The following YBX1 variants were observed in gnomAD, a reference collection of about 807,000 sequenced individuals.
The protein encoded by YBX1 is Y-box binding protein 1.
A neutral mutation model predicts 41.4 loss-of-function variants in YBX1; 3 were observed. The ratio of observed to expected loss-of-function variants is 0.07; its 90% CI spans 0.03 to 0.19. The LOEUF (loss-of-function observed/expected upper bound fraction) is 0.19, where lower values mean the gene tolerates loss of function less well. YBX1 is among the 10% of genes least tolerant of loss of function. The pLI, the probability that YBX1 is intolerant of heterozygous loss-of-function variation, is 1.00. For synonymous variants in YBX1, 133 were observed against 165.8 expected, an observed-to-expected ratio of 0.80 and a Z score of 1.52; for missense variants, 274 against 462.8, an observed-to-expected ratio of 0.59 and a Z score of 3.74.
chr1:42,684,563 G>A (rs1455785494), intron 2 of YBX1, among the ~76,000 whole-genome samples: 2 of 152,234 alleles, frequency 1.3e-5, no homozygotes, highest in Non-Finnish European at 2.9e-5. Context: ...ATCAATCATA[G>A]AGTATTGTGG....
intron 6 of YBX1, among the ~76,000 whole-genome samples, chr1:42,698,091 C>T (rs1650504903): frequency 2.0e-5 from 3 of 152,134 alleles, no homozygotes; most frequent in South Asian, 4.1e-4. Context: ...TTTTAAGTGT[C>T]AAGTTTATTA....
chr1:42,692,316 G>A (rs1303548140), intron 2 of YBX1, among the ~76,000 whole-genome samples: 1 of 152,102 alleles, frequency 6.6e-6, no homozygotes, highest in Admixed American at 6.6e-5. Context: ...ATCTGTTTTT[G>A]TGGTGCCTAT....
At chr1:42,701,580 C>A (rs1167125080) in intron 7 of YBX1, among the ~76,000 whole-genome samples, 9 of 148,174 alleles carry the variant, frequency 6.1e-5, no homozygotes, top group Non-Finnish European at 1.0e-4. Flanking sequence ...GAGAGTGTTT[C>A]GTGTCTAAAA....
chr1:42,694,394 T>A (rs1650410309), intron 3 of YBX1, among the ~76,000 whole-genome samples: 1 of 134,594 alleles, frequency 7.4e-6, no homozygotes, highest in South Asian at 2.4e-4. Flanking sequence ...TAGGAAAAAA[T>A]ATGTTTGTGC....
chr1:42,697,291 A>T, intron 6 of YBX1, 29 bp downstream of exon 6: 1 of 1,606,708 alleles, frequency 6.2e-7, no homozygotes, highest in Non-Finnish European at 8.5e-7. Context: ...TGTTTCTATT[A>T]AAATTTCCTC....
chr1:42,697,238 G>T lies in YBX1; in HGVS notation c.716G>T (p.Arg239Leu), dbSNP rs745492729. 1 of 1,613,810 alleles carries T rather than the reference G, an allele frequency of 6.2e-7. No homozygotes were observed. Among genetic ancestry groups the T allele is most frequent in the Non-Finnish European group, 8.5e-7 (1 of 1,179,980 alleles). ...QGRPVRQNMY[R>L]GYRPRFRRGP... Reference sequence around the variant, plus strand: ...AGACCAGTGAGGCAGAATATGTATCGGGGATATAGACCACGATTCCGCAGG... The same window carrying T: ...AGACCAGTGAGGCAGAATATGTATCTGGGATATAGACCACGATTCCGCAGG... Residue 239 changes from arginine to leucine, a missense_variant, in exon 6 of 8, where the codon CGG becomes CTG. By Grantham distance (102) the Arg-to-Leu change is moderately radical (BLOSUM62 -2). Transcript: ENST00000321358.
intron 2 of YBX1, among the ~76,000 whole-genome samples, chr1:42,684,663 G>A (rs1478113531): frequency 1.3e-5 from 2 of 152,104 alleles, no homozygotes; most frequent in African/African-American, 4.8e-5. Flanking sequence ...AAAATCTTAG[G>A]ATTTTCCATC....
chr1:42,682,730 C>T lies in YBX1; in HGVS notation c.165C>T (p.Ile55=), dbSNP rs1409125699. The T allele has an allele frequency of 1.2e-5, 15 of 1,232,976 alleles. No individual in the cohort carries two copies. Among genetic ancestry groups the T allele is most frequent in the Non-Finnish European group, 1.4e-5 (14 of 992,068 alleles). The allele number at this position is 1,232,976 out of a possible 1,614,324, so 76.4% of individuals were successfully genotyped here. Residue 55 remains isoleucine (I), a splice_region_variant and synonymous_variant, in exon 1 of 8, where the codon ATC becomes ATT. Coordinates refer to ENST00000321358, the MANE Select transcript of YBX1 (RefSeq NM_004559.5). ...AAPAGGDKKV[I]ATKVLGTVKW... is the part of the protein sequence containing the mutation. ...CTGCCGGCGGGGACAAGAAGGTCAT[C>T]GGTGAGGACCGGACAGGGACGGGGG...
intron 3 of YBX1, among the ~76,000 whole-genome samples, chr1:42,695,163 G>A (rs1650429647): frequency 6.6e-6 from 1 of 152,182 alleles, no homozygotes; most frequent in Non-Finnish European, 1.5e-5. Context: ...TCAACATGTA[G>A]TTGTTTCTTG....
rs1650459169 is a variant in YBX1, at chr1:42,696,421, A to T, written c.354+133A>T. The T allele has an allele frequency of 9.8e-7, 1 of 1,017,064 alleles. No homozygotes were observed. Among genetic ancestry groups the T allele is most frequent in the African/African-American group, 1.6e-5 (1 of 61,278 alleles). The allele number at this position is 1,017,064 out of a possible 1,614,324, so 63.0% of individuals were successfully genotyped here. Reference sequence around the variant, plus strand: ...CATGAACACAGGTGCATCAAGCCTAATGTTCTGGCTGCAGTTAGAGGGCAA... The same window carrying T: ...CATGAACACAGGTGCATCAAGCCTATTGTTCTGGCTGCAGTTAGAGGGCAA... On this transcript the variant is annotated intron_variant, in intron 4 of 7. Transcript: ENST00000321358. The surrounding 1 kb of genome is among the most constrained non-coding windows in gnomAD (Gnocchi z 5.7).
rs1192143717 is a variant in YBX1 at position 42,700,961 on chromosome 1, T to A, written c.921T>A (p.Asp307Glu). 1.9e-6 allele frequency: 3 copies of A among 1,614,090 alleles called. No individual in the cohort carries two copies. The highest frequency in any genetic ancestry group is 2.5e-6 in the Non-Finnish European group (3 of 1,180,016). Residue 307 changes from aspartate to glutamate, a missense_variant, in exon 7 of 8, where the codon GAT becomes GAA. By Grantham distance (45) the Asp-to-Glu change is conservative. Transcript: ENST00000321358. ...ATGGCAAAGAGACAAAAGCAGCCGATCCACCAGCTGAGAATTCGTCCGCTC... is the reference window on the plus strand; with the variant it reads ...ATGGCAAAGAGACAAAAGCAGCCGAACCACCAGCTGAGAATTCGTCCGCTC... ...PQDGKETKAA[D>E]PPAENSSAPE... is the part of the protein sequence containing the mutation.
Position 42,696,511 on chromosome 1 carries a change from G to GGCCCC in YBX1, c.355-131_355-130insGCCCC. 2 of 468,072 alleles carry GGCCCC rather than the reference G, an allele frequency of 4.3e-6. No homozygotes were observed. Among genetic ancestry groups the GGCCCC allele is most frequent in the South Asian group, 4.5e-5 (1 of 22,402 alleles). The allele number at this position is 468,072 out of a possible 1,614,324, so 29.0% of individuals were successfully genotyped here. A position where few individuals can be genotyped will look rare whatever the true frequency, so the allele number is the denominator to read the frequency against. ...TGTGCACCCCTGGTCACGCAGTTGC[G>GGCCCC]CCCCCCCCCCCTTTTTTTTCCTTAA... On this transcript the variant is annotated intron_variant, in intron 4 of 7. Transcript: ENST00000321358. This position sits in a 1 kb window ranked among gnomAD's most constrained non-coding sequence, Gnocchi z 5.7.
In YBX1 at chr1:42,682,705, C is replaced by T; in HGVS notation, c.140C>T (p.Pro47Leu). The change falls in exon 1 of 8, where the codon CCT (proline) becomes CTT (leucine). Residue 47 changes from proline to leucine, a missense_variant. Physicochemically the swap from Pro to Leu is moderately conservative, Grantham distance 98. Transcript: ENST00000321358. The stretch of plus-strand genomic sequence containing the variant: ...CCGGGCGGCCTCACATCGGCGGCGC[C>T]TGCCGGCGGGGACAAGAAGGTCATC... ...GGPGGLTSAA[P>L]AGGDKKVIAT... is the part of the protein sequence containing the mutation. 1.6e-6 allele frequency: 2 copies of T among 1,251,636 alleles called. No individual in the cohort carries two copies. The highest frequency in any genetic ancestry group is 2.0e-6 in the Non-Finnish European group (2 of 1,003,944). 77.5% of individuals were successfully genotyped at this position (1,251,636 alleles called of 1,614,324 possible). A position where few individuals can be genotyped will look rare whatever the true frequency, so the allele number is the denominator to read the frequency against.
chr1:42,686,845 A>G (rs1311551957), intron 2 of YBX1, among the ~76,000 whole-genome samples: 3 of 152,204 alleles, frequency 2.0e-5, no homozygotes, highest in African/African-American at 7.2e-5. Flanking sequence ...CCCCATAAGC[A>G]TAGGTGATAA....
intron 6 of YBX1, among the ~76,000 whole-genome samples, chr1:42,698,803 G>T (rs142308657): frequency 6.6e-6 from 1 of 152,342 alleles, no homozygotes; most frequent in East Asian, 1.9e-4. Flanking sequence ...AGTCCTGCCA[G>T]ATAGTTGCAG....
intron 3 of YBX1, among the ~76,000 whole-genome samples, chr1:42,695,958 T>G (rs138832313): frequency 6.6e-6 from 1 of 152,354 alleles, no homozygotes; most frequent in Non-Finnish European, 1.5e-5. Context: ...GAGTGTTAAA[T>G]TACTTGTTTT....
intron 7 of YBX1, among the ~76,000 whole-genome samples, chr1:42,701,763 G>T (rs563382824): frequency 6.6e-6 from 1 of 151,830 alleles, no homozygotes; most frequent in Non-Finnish European, 1.5e-5. Context: ...TTTTCATTTC[G>T]CTTTTTACAT....
chr1:42,700,730 G>A, intron 6 of YBX1, 51 bp from the exon 7 acceptor site: 1 of 1,520,780 alleles, frequency 6.6e-7, no homozygotes, highest in South Asian at 1.2e-5. Flanking sequence ...TGGTGGGTGT[G>A]TTGAAGAGAG....
chr1:42,696,393 C>T lies in YBX1; in HGVS notation c.354+105C>T, dbSNP rs1340229022. 8.5e-7 allele frequency: 1 copy of T among 1,179,162 alleles called. No individual in the cohort carries two copies. Among genetic ancestry groups the T allele is most frequent in the Non-Finnish European group, 1.2e-6 (1 of 823,886 alleles). The allele number at this position is 1,179,162 out of a possible 1,614,324, so 73.0% of individuals were successfully genotyped here. ...AATGTGGATGGATGTGTTCAGGTGA[C>T]CTCATGAACACAGGTGCATCAAGCC... On this transcript the variant is annotated intron_variant, in intron 4 of 7. Transcript: ENST00000321358. This position sits in a 1 kb window ranked among gnomAD's most constrained non-coding sequence, Gnocchi z 5.7.
Sources: gnomAD v4.1 joint callset for allele counts (sites outside exome capture counted in the v4.1 genomes callset) on GRCh38, gnomAD v4.1.1 for gene constraint, Gnocchi (gnomAD v3.1) non-coding constraint, MANE v1.5 for transcripts, NCBI Gene and HGNC (gene_info 2026-07-23, HGNC 2026-07-21) for gene names.